BMP2K: variants seen among roughly 807,000 people sequenced by gnomAD.
The protein encoded by BMP2K is BMP2 inducible kinase.
In BMP2K, 74 loss-of-function variants were observed where a neutral mutation model predicts 116.0. The observed-to-expected ratio is 0.64, with a 90% confidence interval of 0.53 to 0.77. The LOEUF (loss-of-function observed/expected upper bound fraction) is 0.77, where lower values mean the gene tolerates loss of function less well. BMP2K is among the 30% of genes least tolerant of loss of function. The pLI is 0.00. For missense variants in BMP2K, 1,365 were observed against 1,403.6 expected (o/e 0.97, Z 0.44); for synonymous variants, 486 against 502.5 (o/e 0.97, Z 0.44).
chr4:78,897,726 T>C (rs1054260549), intron 15 of BMP2K, among the ~76,000 whole-genome samples: 12 of 152,202 alleles, frequency 7.9e-5, no homozygotes, highest in African/African-American at 2.7e-4. Flanking sequence ...GTGCCTCTTA[T>C]TTCTTCTACC....
intron 1 of BMP2K, among the ~76,000 whole-genome samples, chr4:78,813,479 CTT>C (rs1163882467): frequency 1.3e-5 from 2 of 152,182 alleles, no homozygotes; most frequent in African/African-American, 2.4e-5. Flanking sequence ...CGTAATAAGA[CTT>C]TGCATGATCT....
intron 1 of BMP2K, among the ~76,000 whole-genome samples, chr4:78,807,879 T>C (rs538030386): frequency 6.6e-6 from 1 of 152,288 alleles, no homozygotes; most frequent in African/African-American, 2.4e-5. Flanking sequence ...TTCCTGATTA[T>C]ATTAATTTGT....
At position 78,861,921 on chromosome 4, in the gene BMP2K, GT is replaced by G. The variant is rs112472944; in HGVS notation, c.1067+454del. 2.6e-5 allele frequency among the ~76,000 whole-genome samples: 4 copies of G among 151,818 alleles called. 1 individual carries two copies. Among genetic ancestry groups the G allele is most frequent in the African/African-American group, 9.6e-5 (4 of 41,454 alleles). ...GTGATTATAATACTTTTTAAGGCTG[GT>G]ATATGTTTTCAATCTTATTTTTCAG... On this transcript the variant is annotated intron_variant, in intron 9 of 15. Transcript: ENST00000502613.
At chr4:78,845,207 T>A (rs1050019588) in intron 5 of BMP2K, among the ~76,000 whole-genome samples, 158 bp downstream of exon 5, 7 of 151,604 alleles carry the variant, frequency 4.6e-5, no homozygotes, top group African/African-American at 1.7e-4. Flanking sequence ...CTGATCTAGC[T>A]CAGTAGGAAA....
intron 1 of BMP2K, among the ~76,000 whole-genome samples, chr4:78,792,676 A>G (rs547117408): frequency 6.6e-6 from 1 of 151,400 alleles, no homozygotes; most frequent in African/African-American, 2.4e-5. Flanking sequence ...TTTTTTTTTT[A>G]AATTCTGTAA....
intron 15 of BMP2K, chr4:78,899,104 A>G (rs1733864075): frequency 6.6e-6 from 1 of 152,184 alleles, no homozygotes; most frequent in Non-Finnish European, 1.5e-5. Context: ...GATCATGCCT[A>G]TGAATAGCCA....
chr4:78,828,704 A>G (rs1410733709), intron 2 of BMP2K, among the ~76,000 whole-genome samples: 2 of 152,186 alleles, frequency 1.3e-5, no homozygotes, highest in Non-Finnish European at 2.9e-5. Flanking sequence ...TAACATCACA[A>G]CACTACACTG....
intron 14 of BMP2K, among the ~76,000 whole-genome samples, chr4:78,885,574 A>G (rs536169982): frequency 3.4e-4 from 52 of 152,316 alleles, no homozygotes; most frequent in African/African-American, 8.4e-4. Context: ...GGGAATTCCA[A>G]TTCTACTTGG....
chr4:78,817,606 G>A (rs1249137853), intron 1 of BMP2K, among the ~76,000 whole-genome samples: 1 of 152,122 alleles, frequency 6.6e-6, no homozygotes, highest in Admixed American at 6.6e-5. Context: ...AGGAAACTCT[G>A]AACCTTGTAT....
intron 15 of BMP2K, chr4:78,898,778 A>G (rs1397374166): frequency 6.6e-6 from 1 of 152,022 alleles, no homozygotes; most frequent in Non-Finnish European, 1.5e-5. Context: ...GTGAATTGGG[A>G]TATTAACAAA....
intron 1 of BMP2K, among the ~76,000 whole-genome samples, chr4:78,806,263 A>T (rs1728814800): frequency 1.3e-5 from 2 of 151,678 alleles, no homozygotes; most frequent in Non-Finnish European, 2.9e-5. Context: ...ACAACCTAGA[A>T]CTCCTGGACT....
At chr4:78,872,575 C>T (rs1356545277) in intron 12 of BMP2K, 39 bp from the exon 13 acceptor site, 1 of 1,583,676 alleles carries the variant, frequency 6.3e-7, no homozygotes, top group East Asian at 2.3e-5. Flanking sequence ...TGCTTTAGGA[C>T]TGGAGCATTG....
intron 10 of BMP2K, among the ~76,000 whole-genome samples, chr4:78,866,347 C>T (rs1732048043): frequency 6.6e-6 from 1 of 152,086 alleles, no homozygotes; most frequent in African/African-American, 2.4e-5. Context: ...TCCTGTTTTG[C>T]ACTTTATTTC....
intron 15 of BMP2K, among the ~76,000 whole-genome samples, chr4:78,904,991 A>C (rs1734213604): frequency 6.6e-6 from 1 of 151,940 alleles, no homozygotes; most frequent in South Asian, 2.1e-4. Context: ...ACCTAAAGAA[A>C]ATTTAACTCT....
intron 7 of BMP2K, among the ~76,000 whole-genome samples, chr4:78,853,974 C>T (rs1216983811): frequency 6.6e-6 from 1 of 152,056 alleles, no homozygotes; most frequent in Non-Finnish European, 1.5e-5. Flanking sequence ...CTAGAGCATA[C>T]TTTCCCTGCA....
intron 1 of BMP2K, among the ~76,000 whole-genome samples, chr4:78,811,841 T>C (rs1333649846): frequency 6.6e-6 from 1 of 152,186 alleles, no homozygotes; most frequent in African/African-American, 2.4e-5. Context: ...ACCCATATTT[T>C]CCCTCCTCCA....
chr4:78,833,621 G>A lies in BMP2K; in HGVS notation c.337G>A (p.Asp113Asn). 1 of 1,604,720 alleles carries A rather than the reference G, an allele frequency of 6.2e-7. No individual in the cohort carries two copies. The change falls in exon 3 of 16, where the codon GAC becomes AAC. Residue 113 changes from aspartate (D) to asparagine (N), a missense_variant. This residue lies in a region of BMP2K where 762 missense variants were observed against 756.7 expected (regional missense o/e 1.01). Transcript: ENST00000502613. ...SGHKNIVGYL[D>N]CAVNSISDNV... is the part of the protein sequence containing the mutation. ...TCACAAAAATATTGTGGGCTATTTG[G>A]ACTGTGCTGTTAATTCAATTAGTGA...
At position 78,833,681 on chromosome 4, in the gene BMP2K, T is replaced by A; in HGVS notation, c.397T>A (p.Cys133Ser). The change falls in exon 3 of 16, where the codon TGT (cysteine) becomes AGT (serine). Residue 133 changes from cysteine to serine, a missense_variant. By Grantham distance (112) the Cys-to-Ser change is moderately radical. This residue lies in a region of BMP2K where 762 missense variants were observed against 756.7 expected (regional missense o/e 1.01). Transcript: ENST00000502613. ...GGAAGTCCTTATCTTAATGGAATAT[T>A]GTCGAGGTAAGTATTTTTTTGCATT... is the stretch of plus-strand genomic sequence containing the variant. ...VWEVLILMEY[C>S]RAGQVVNQMN... The A allele has an allele frequency of 6.3e-7, 1 of 1,598,512 alleles. No individual in the cohort carries two copies. The highest frequency in any genetic ancestry group is 8.5e-7 in the Non-Finnish European group (1 of 1,173,952).
intron 2 of BMP2K, among the ~76,000 whole-genome samples, chr4:78,832,625 A>G (rs1577909076): frequency 6.6e-6 from 1 of 152,224 alleles, no homozygotes; most frequent in South Asian, 2.1e-4. Context: ...TCAAGATATT[A>G]TAGTCTTGTA....
Sources: allele counts gnomAD v4.1 joint callset (sites outside exome capture counted in the v4.1 genomes callset), GRCh38; gene constraint gnomAD v4.1.1; regional missense constraint gnomAD v4.1.1; transcripts MANE v1.5; gene names NCBI Gene and HGNC (gene_info 2026-07-23, HGNC 2026-07-21).